The following IL11RA variants were observed in gnomAD, a reference collection of about 807,000 sequenced individuals.
IL11RA encodes the protein interleukin-11 receptor subunit alpha.
IL11RA carries 51 observed loss-of-function variants against 57.0 expected under a neutral mutation model. That is an observed-to-expected ratio of 0.89 (90% CI 0.71 to 1.13). IL11RA has a LOEUF of 1.13. IL11RA is among the 50% of genes most tolerant of loss of function. The pLI, the probability that IL11RA is intolerant of heterozygous loss-of-function variation, is 0.00. For missense variants in IL11RA, 498 were observed against 539.4 expected, an observed-to-expected ratio of 0.92 and a Z score of 0.76; for synonymous variants, 199 against 217.5, an observed-to-expected ratio of 0.91 and a Z score of 0.75.
At position 34,661,570 on chromosome 9, in the gene IL11RA, A is replaced by T. The variant is rs1821457716; in HGVS notation, c.*72A>T. Reference sequence around the variant, plus strand: ...CTGGTGTGGATAGAAACCAGGCAGGACAGTAGATCCCTATGGTTGGATCTC... The same window carrying T: ...CTGGTGTGGATAGAAACCAGGCAGGTCAGTAGATCCCTATGGTTGGATCTC... On this transcript the variant is annotated 3_prime_UTR_variant, in exon 13 of 13. Coordinates refer to ENST00000441545, the MANE Select transcript of IL11RA (RefSeq NM_001142784.3). 1 of 1,461,150 alleles carries T rather than the reference A, an allele frequency of 6.8e-7. No homozygotes were observed. Among genetic ancestry groups the T allele is most frequent in the Admixed American group, 1.7e-5 (1 of 59,804 alleles). 90.5% of individuals were successfully genotyped at this position (1,461,150 alleles called of 1,614,324 possible). A position where few individuals can be genotyped will look rare whatever the true frequency, so the allele number is the denominator to read the frequency against.
chr9:34,658,659 G>C lies in IL11RA; in HGVS notation c.786G>C (p.Pro262=), dbSNP rs754009253. ...FLLKFRLQYR[P]AQHPAWSTVE... Reference sequence around the variant, plus strand: ...TCAAGTTCCGTTTGCAGTACCGTCCGGCGCAGCATCCAGCCTGGTCCACGG... The same window carrying C: ...TCAAGTTCCGTTTGCAGTACCGTCCCGCGCAGCATCCAGCCTGGTCCACGG... Residue 262 remains proline (P), a synonymous_variant, in exon 8 of 13, where the codon CCG becomes CCC. Transcript: ENST00000441545. The surrounding 1 kb of genome is among the most constrained non-coding windows in gnomAD (Gnocchi z 4.0). 2 of 1,613,528 alleles carry C rather than the reference G, an allele frequency of 1.2e-6. No homozygotes were observed. Among genetic ancestry groups the C allele is most frequent in the Non-Finnish European group, 8.5e-7 (1 of 1,180,038 alleles).
At chr9:34,656,937 A>G (rs1055645332) in intron 4 of IL11RA, 29 bp downstream of exon 4, 22 of 1,613,584 alleles carry the variant, frequency 1.4e-5, no homozygotes, top group Non-Finnish European at 1.8e-5. Flanking sequence ...CACTGATGAC[A>G]CATAGGGATC....
chr9:34,661,539 G>C lies in IL11RA; in HGVS notation c.*41G>C, dbSNP rs376799022. 6.3e-7 allele frequency: 1 copy of C among 1,579,648 alleles called. No individual in the cohort carries two copies. Among genetic ancestry groups the C allele is most frequent in the Non-Finnish European group, 8.7e-7 (1 of 1,149,040 alleles). ...TTCGGCAGATTCCACCTATAATTCT[G>C]TCTTGCTGGTGTGGATAGAAACCAG... On this transcript the variant is annotated 3_prime_UTR_variant, in exon 13 of 13. Transcript: ENST00000441545.
Position 34,660,288 on chromosome 9 carries a change from G to A in IL11RA, c.967G>A (p.Glu323Lys), listed in dbSNP as rs1821428545. The A allele has an allele frequency of 6.2e-7, 1 of 1,614,192 alleles. No homozygotes were observed. Among genetic ancestry groups the A allele is most frequent in the Non-Finnish European group, 8.5e-7 (1 of 1,180,032 alleles). Residue 323 changes from glutamate (E) to lysine (K), a missense_variant, in exon 10 of 13, where the codon GAG (glutamate) becomes AAG (lysine). Glu to Lys is a moderately conservative substitution (Grantham distance 56, BLOSUM62 1). Coordinates refer to ENST00000441545, the MANE Select transcript of IL11RA (RefSeq NM_001142784.3). ...CCTTCCTTTAGGGACCATACCAAAG[G>A]AGATACCAGCATGGGGCCAGCTACA... ...GTPSTGTIPK[E>K]IPAWGQLHTQ...
rs1214710565 is a variant in IL11RA, at chr9:34,656,832, C to T, written c.255C>T (p.Asp85=). 4 of 1,614,170 alleles carry T rather than the reference C, an allele frequency of 2.5e-6. No individual in the cohort carries two copies. Among genetic ancestry groups the T allele is most frequent in the Non-Finnish European group, 3.4e-6 (4 of 1,180,012 alleles). The change falls in exon 4 of 13, where the codon GAC becomes GAT. Residue 85 remains aspartate (D), a synonymous_variant. Coordinates refer to ENST00000441545, the MANE Select transcript of IL11RA (RefSeq NM_001142784.3). ...LGHELVLAQA[D]STDEGTYICQ... ...ATGAACTGGTCCTGGCCCAGGCAGA[C>T]AGCACTGATGAGGGCACCTACATCT...
In IL11RA at chr9:34,661,555, T is replaced by TGGATGGAC; in HGVS notation, c.*57_*58insGGATGGAC. The TGGATGGAC allele has an allele frequency of 7.0e-6, 11 of 1,567,268 alleles. No individual in the cohort carries two copies. Among genetic ancestry groups the TGGATGGAC allele is most frequent in the Non-Finnish European group, 9.7e-6 (11 of 1,137,258 alleles). ...TATAATTCTGTCTTGCTGGTGTGGA[T>TGGATGGAC]AGAAACCAGGCAGGACAGTAGATCC... On this transcript the variant is annotated 3_prime_UTR_variant, in exon 13 of 13. Coordinates refer to ENST00000441545, the MANE Select transcript of IL11RA (RefSeq NM_001142784.3).
At chr9:34,660,460 C>T in intron 10 of IL11RA, 44 bp from the exon 11 acceptor site, 1 of 1,613,930 alleles carries the variant, frequency 6.2e-7, no homozygotes, top group African/African-American at 1.3e-5. Context: ...GGACACCGAG[C>T]TTGGTCAGGC....
chr9:34,655,042 T>G, intron 1 of IL11RA, 176 bp from the exon 2 acceptor site: 1 of 643,542 alleles, frequency 1.6e-6, no homozygotes, highest in Non-Finnish European at 2.9e-6. Context: ...TGCAAAGCAC[T>G]GGGTATACAG....
intron 1 of IL11RA, among the ~76,000 whole-genome samples, chr9:34,654,586 A>G (rs1587244547): frequency 1.3e-5 from 2 of 152,180 alleles, no homozygotes; most frequent in East Asian, 3.8e-4. Flanking sequence ...CAAACTGGAG[A>G]CCAACGAAGT....
rs752310400 is a variant in IL11RA at position 34,653,251 on chromosome 9, T to C, written c.-1+1018T>C. ...GAGTGTATGAATATGTGTAAGTGTG[T>C]CTGAGTCTGAGGCGGTGTGGCTGTG... On this transcript the variant is annotated intron_variant, in intron 1 of 12. Coordinates refer to ENST00000441545, the MANE Select transcript of IL11RA (RefSeq NM_001142784.3). The surrounding 1 kb of genome is among the most constrained non-coding windows in gnomAD (Gnocchi z 4.5). Among the ~76,000 whole-genome samples, 3 of 152,198 alleles carry C rather than the reference T, an allele frequency of 2.0e-5. No homozygotes were observed. Among genetic ancestry groups the C allele is most frequent in the Non-Finnish European group, 4.4e-5 (3 of 68,030 alleles).
chr9:34,659,737 A>C (rs1452047748), intron 8 of IL11RA, 22 bp from the exon 9 acceptor site: 1 of 1,613,966 alleles, frequency 6.2e-7, no homozygotes, highest in South Asian at 1.1e-5. Flanking sequence ...GCTGGGTAAC[A>C]GTGAGTCATG....
In IL11RA at chr9:34,660,368, C is replaced by G. The variant is rs368778700; in HGVS notation, c.1047C>G (p.Ser349=). The part of the protein sequence containing the change: ...QVDSPAPPRP[S]LQPHPRLLDH... The stretch of plus-strand genomic sequence containing the variant: ...ACAGCCCTGCTCCTCCAAGGCCCTC[C>G]CTCCAACCACACCCTCGGCTACTTG... The change falls in exon 10 of 13, where the codon TCC becomes TCG. Residue 349 remains serine, a synonymous_variant. Coordinates refer to ENST00000441545, the MANE Select transcript of IL11RA (RefSeq NM_001142784.3). 15 of 1,614,180 alleles carry G rather than the reference C, an allele frequency of 9.3e-6. No homozygotes were observed. Among genetic ancestry groups the G allele is most frequent in the Non-Finnish European group, 1.3e-5 (15 of 1,180,008 alleles).
At chr9:34,661,273 G>A (rs1821451674) in intron 12 of IL11RA, among the ~76,000 whole-genome samples, 1 of 151,622 alleles carries the variant, frequency 6.6e-6, no homozygotes, top group Non-Finnish European at 1.5e-5. Context: ...TCAGTGCTAG[G>A]TCCCCTCCTT....
intron 12 of IL11RA, among the ~76,000 whole-genome samples, chr9:34,661,150 A>G (rs1821449324): frequency 6.6e-6 from 1 of 151,220 alleles, no homozygotes; most frequent in African/African-American, 2.4e-5. Flanking sequence ...CAGGGTACTG[A>G]GGAAGGACCC....
In IL11RA at chr9:34,657,393, A is replaced by G. The variant is rs11575590; in HGVS notation, c.480-28A>G. 4.0e-3 allele frequency: 6,407 copies of G among 1,614,110 alleles called. 234 individuals carry two copies. In the African/African-American group the frequency reaches 0.076, roughly 19 times the overall value. ...CTGGGTCCCACAGTAGGCATTTTCA[A>G]AGCCAAAGACCACATCCTCCCTTCT... On this transcript the variant is annotated intron_variant, in intron 6 of 12. Coordinates refer to ENST00000441545, the MANE Select transcript of IL11RA (RefSeq NM_001142784.3).
chr9:34,657,336 G>A lies in IL11RA; in HGVS notation c.479+1G>A, dbSNP rs199757118. ...CAGTCCTAGGAGCTGATAGCCAGAG[G>A]TAGGACGTGAGGGAGCATGTGGGGG... On this transcript the variant is annotated splice_donor_variant, in intron 6 of 12. Coordinates refer to ENST00000441545, the MANE Select transcript of IL11RA (RefSeq NM_001142784.3). LOFTEE classifies it high-confidence loss of function. 3.3e-5 allele frequency: 53 copies of A among 1,614,176 alleles called. No individual in the cohort carries two copies. Among genetic ancestry groups the A allele is most frequent in the Middle Eastern group, 3.3e-4 (2 of 6,062 alleles).
In IL11RA at chr9:34,655,200, C is replaced by T; in HGVS notation, c.1-18C>T. 1 of 1,579,854 alleles carries T rather than the reference C, an allele frequency of 6.3e-7. No individual in the cohort carries two copies. The highest frequency in any genetic ancestry group is 8.7e-7 in the Non-Finnish European group (1 of 1,151,542). ...CATCTCAGGGGTCGGGGATTTTTGA[C>T]TCTACCTCTCCCCACAGATGAGCAG... On this transcript the variant is annotated intron_variant, in intron 1 of 12. Coordinates refer to ENST00000441545, the MANE Select transcript of IL11RA (RefSeq NM_001142784.3).
intron 12 of IL11RA, 25 bp downstream of exon 12, chr9:34,660,961 G>A (rs1821445669): frequency 6.4e-7 from 1 of 1,573,328 alleles, no homozygotes; most frequent in East Asian, 2.2e-5. Flanking sequence ...CAGAAGATTT[G>A]GACTTGGAGA....
In IL11RA at chr9:34,660,292, T is replaced by A. The variant is rs765301778; in HGVS notation, c.971T>A (p.Ile324Lys). The change falls in exon 10 of 13, where the codon ATA (isoleucine) becomes AAA (lysine). Residue 324 changes from isoleucine to lysine, a missense_variant. Coordinates refer to ENST00000441545, the MANE Select transcript of IL11RA (RefSeq NM_001142784.3). Reference sequence around the variant, plus strand: ...CCTTTAGGGACCATACCAAAGGAGATACCAGCATGGGGCCAGCTACACACG... The same window carrying A: ...CCTTTAGGGACCATACCAAAGGAGAAACCAGCATGGGGCCAGCTACACACG... ...TPSTGTIPKEIPAWGQLHTQP... is the reference protein window; with the variant it reads ...TPSTGTIPKEKPAWGQLHTQP... The A allele has an allele frequency of 6.2e-7, 1 of 1,614,220 alleles. No individual in the cohort carries two copies. Among genetic ancestry groups the A allele is most frequent in the East Asian group, 2.2e-5 (1 of 44,876 alleles).
Sources: gnomAD v4.1 joint callset for allele counts (sites outside exome capture counted in the v4.1 genomes callset) on GRCh38, gnomAD v4.1.1 for gene constraint, Gnocchi (gnomAD v3.1) non-coding constraint, MANE v1.5 for transcripts, NCBI Gene and HGNC (gene_info 2026-07-23, HGNC 2026-07-21) for gene names.